Variants in LILRA4 observed in about 807,000 individuals in gnomAD.
LILRA4 encodes the protein leukocyte immunoglobulin-like receptor subfamily A member 4.
In LILRA4, 51 loss-of-function variants were observed where a neutral mutation model predicts 49.5. The ratio of observed to expected loss-of-function variants is 1.03; its 90% CI spans 0.82 to 1.30. The LOEUF is 1.30. Ranked by LOEUF, LILRA4 falls within the 50% of genes most tolerant of loss-of-function variation. The probability of loss-of-function intolerance (pLI) is 0.00; values close to 1 mark genes in which losing one functional copy is unlikely to be tolerated. For synonymous variants in LILRA4, 272 were observed against 265.6 expected, an observed-to-expected ratio of 1.02 and a Z score of -0.23; for missense variants, 624 against 625.6, an observed-to-expected ratio of 1.00 and a Z score of 0.03.
Position 54,336,908 on chromosome 19 carries a change from G to C in LILRA4, c.1188C>G (p.Tyr396Ter). ...GGTAGGGGTTGGAGCTGCGTGAGCC[G>C]TAGCACCTGTAGGTCCCCGCGTGGG... ...TSAHAGTYRC[Y>*]GSRSSNPYLL... The change falls in exon 6 of 8, where the codon TAC (tyrosine) becomes TAG (stop). Residue 396 changes from tyrosine (Y) to a stop codon, truncating the protein, a stop_gained. Transcript: ENST00000291759. LOFTEE classifies it high-confidence loss of function. 6.2e-7 allele frequency: 1 copy of C among 1,614,220 alleles called. No homozygotes were observed. The highest frequency in any genetic ancestry group is 1.6e-4 in the Middle Eastern group (1 of 6,062).
Position 54,333,355 on chromosome 19 carries a change from T to G in LILRA4, c.*217A>C, listed in dbSNP as rs16985578. On this transcript the variant is annotated 3_prime_UTR_variant, in exon 8 of 8. Transcript: ENST00000291759. ...CAGAGGGGCGGACCCAAACCCACCA[T>G]AGGGGTGAAGCCTTACATCATAGGG... 0.16 allele frequency: 97,218 copies of G among 591,908 alleles called. 9,344 individuals carry two copies. The highest frequency in any genetic ancestry group is 0.35 in the African/African-American group (18,764 of 53,590). 36.7% of individuals were successfully genotyped at this position (591,908 alleles called of 1,614,324 possible).
Position 54,337,644 on chromosome 19 carries a change from G to C in LILRA4, c.708C>G (p.Pro236=). ...CACACTGGAGGGTCAGATTCTCTCC[G>C]GGGGTCACGACAGGGCCCTGCAGGG... ...LLTLQGPVVT[P]GENLTLQCGS... Residue 236 remains proline (P), a synonymous_variant, in exon 5 of 8, where the codon CCC becomes CCG. Coordinates refer to ENST00000291759, the MANE Select transcript of LILRA4 (RefSeq NM_012276.5). 1.9e-6 allele frequency: 3 copies of C among 1,613,004 alleles called. No homozygotes were observed. Among genetic ancestry groups the C allele is most frequent in the Non-Finnish European group, 2.5e-6 (3 of 1,179,580 alleles).
rs756127255 is a variant in LILRA4 at position 54,338,416 on chromosome 19, G to A, written c.335C>T (p.Pro112Leu). ...SPAGWSEPSD[P>L]LELVVTAYSR... ...CTCACCTGTCACCACCAGCTCCAGG[G>A]GGTCGCTGGGCTCTGACCAGCCTGC... Residue 112 changes from proline to leucine, a missense_variant, in exon 3 of 8, where the codon CCC (proline) becomes CTC (leucine). Transcript: ENST00000291759. 1.2e-6 allele frequency: 2 copies of A among 1,614,076 alleles called. No homozygotes were observed. Among genetic ancestry groups the A allele is most frequent in the Non-Finnish European group, 1.7e-6 (2 of 1,180,014 alleles).
In LILRA4 at chr19:54,333,476, C is replaced by T. The variant is rs983145397; in HGVS notation, c.*96G>A. 3.3e-6 allele frequency: 4 copies of T among 1,205,594 alleles called. No individual in the cohort carries two copies. In the African/African-American group the frequency reaches 6.1e-5, roughly 18 times the overall value. 74.7% of individuals were successfully genotyped at this position (1,205,594 alleles called of 1,614,324 possible). ...GAAGCATCTTCTACAGACACCCAGA[C>T]ATCTTCCTGCACCTGACCCATGCTT... On this transcript the variant is annotated 3_prime_UTR_variant, in exon 8 of 8. Transcript: ENST00000291759.
intron 6 of LILRA4, 119 bp from the exon 7 acceptor site, chr19:54,334,084 A>G: frequency 1.2e-6 from 1 of 804,042 alleles, no homozygotes; most frequent in South Asian, 1.6e-5. Flanking sequence ...TAGTGAACAC[A>G]TTCTCTGCTC....
rs1469182777 is a variant in LILRA4 at position 54,337,135 on chromosome 19, A to G, written c.961T>C (p.Ser321Pro). 4 of 1,611,376 alleles carry G rather than the reference A, an allele frequency of 2.5e-6. No homozygotes were observed. The highest frequency in any genetic ancestry group is 2.5e-6 in the Non-Finnish European group (3 of 1,178,242). ...PLDILIAGQI[S>P]DRPSLSVQPG... ...TGCACTGAGAGGGAGGGTCTGTCAG[A>G]GATCTGTCCTGGAGAAAAGAAGGAC... Residue 321 changes from serine to proline, a missense_variant, in exon 6 of 8, where the codon TCT (serine) becomes CCT (proline). Transcript: ENST00000291759.
chr19:54,336,631 C>T, intron 6 of LILRA4: 1 of 791,674 alleles, frequency 1.3e-6, no homozygotes, highest in African/African-American at 1.7e-5. Flanking sequence ...TGGACCCTCC[C>T]CCTTCACTGT....
intron 1 of LILRA4, 21 bp downstream of exon 1, chr19:54,339,039 C>T (rs1569167873): frequency 1.2e-6 from 2 of 1,614,040 alleles, no homozygotes; most frequent in Non-Finnish European, 1.7e-6. Context: ...AGGGTCTCTC[C>T]TCCCCCTCTT....
Position 54,337,408 on chromosome 19 carries a change from A to T in LILRA4, c.944T>A (p.Leu315Gln). The T allele has an allele frequency of 6.2e-7, 1 of 1,611,384 alleles. No homozygotes were observed. Among genetic ancestry groups the T allele is most frequent in the African/African-American group, 1.3e-5 (1 of 74,928 alleles). The stretch of plus-strand genomic sequence containing the variant: ...CCCGCTGGGCTCCTCACCTGCGATC[A>T]GGATATCCAGGGGGTCACTGGGGGC... Reference protein sequence around the residue: ...WSAPSDPLDILIAGQISDRPS... With the variant: ...WSAPSDPLDIQIAGQISDRPS... Residue 315 changes from leucine to glutamine, a missense_variant, in exon 5 of 8, where the codon CTG becomes CAG. By Grantham distance (113) the Leu-to-Gln change is moderately radical. Transcript: ENST00000291759.
chr19:54,338,086 G>A lies in LILRA4; in HGVS notation c.505C>T (p.His169Tyr), dbSNP rs2081351904. 6.2e-7 allele frequency: 1 copy of A among 1,614,106 alleles called. No individual in the cohort carries two copies. The highest frequency in any genetic ancestry group is 8.5e-7 in the Non-Finnish European group (1 of 1,180,000). ...DHRLSWTLNS[H>Y]QHNHGKFQAL... ...TGGAACTTTCCATGGTTGTGTTGGT[G>A]TGAGTTCAGGGTCCAGGAGAGCCTG... Residue 169 changes from histidine to tyrosine, a missense_variant, in exon 4 of 8, where the codon CAC (histidine) becomes TAC (tyrosine). Transcript: ENST00000291759.
chr19:54,334,229 C>A (rs1456148470), intron 6 of LILRA4: 2 of 479,206 alleles, frequency 4.2e-6, no homozygotes, highest in East Asian at 3.4e-5. Context: ...AAGAATGATC[C>A]CCCAACTAGA....
rs1198141881 is a variant in LILRA4 at position 54,338,518 on chromosome 19, T to C, written c.233A>G (p.Glu78Gly). 6.2e-7 allele frequency: 1 copy of C among 1,614,186 alleles called. No individual in the cohort carries two copies. Among genetic ancestry groups the C allele is most frequent in the Admixed American group, 1.7e-5 (1 of 60,026 alleles). The change falls in exon 3 of 8, where the codon GAA (glutamate) becomes GGA (glycine). Residue 78 changes from glutamate (E) to glycine (G), a missense_variant. Coordinates refer to ENST00000291759, the MANE Select transcript of LILRA4 (RefSeq NM_012276.5). The stretch of plus-strand genomic sequence containing the variant: ...TGGGATGGAGAGTTTGACCTTGTTT[T>C]CAGACTCCAGTGTTTTTAATATGTG... ...SRHILKTLES[E>G]NKVKLSIPSM...
At chr19:54,336,017 G>T (rs1456214384) in intron 6 of LILRA4, 6 of 151,930 alleles carry the variant, frequency 3.9e-5, no homozygotes, top group Non-Finnish European at 8.8e-5. Context: ...TCTTCCCCTT[G>T]TCCATGTCAG....
rs775717371 is a variant in LILRA4 at position 54,333,558 on chromosome 19, A to G, written c.*14T>C. The G allele has an allele frequency of 5.0e-6, 8 of 1,612,320 alleles. No individual in the cohort carries two copies. Among genetic ancestry groups the G allele is most frequent in the Non-Finnish European group, 6.8e-6 (8 of 1,179,404 alleles). On this transcript the variant is annotated 3_prime_UTR_variant, in exon 8 of 8. Coordinates refer to ENST00000291759, the MANE Select transcript of LILRA4 (RefSeq NM_012276.5). The stretch of plus-strand genomic sequence containing the variant: ...CCAACTGCTGCCCCAGTCTTCCAGA[A>G]CCTCCTCAGATCATCAGATCTGTTC...
chr19:54,338,782 G>A, intron 2 of LILRA4, 84 bp downstream of exon 2: 2 of 1,599,532 alleles, frequency 1.3e-6, no homozygotes, highest in South Asian at 2.2e-5. Flanking sequence ...GCCCAGAACT[G>A]CTGTCTTCAC....
chr19:54,338,754 C>T (rs1195620698), intron 2 of LILRA4, 74 bp from the exon 3 acceptor site: 1 of 1,589,252 alleles, frequency 6.3e-7, no homozygotes, highest in Non-Finnish European at 8.6e-7. Flanking sequence ...CCAGGACCCC[C>T]CTCATCCCCA....
In LILRA4 at chr19:54,333,737, C is replaced by A; in HGVS notation, c.1335G>T (p.Glu445Asp). 6.2e-7 allele frequency: 1 copy of A among 1,614,112 alleles called. No individual in the cohort carries two copies. The highest frequency in any genetic ancestry group is 8.5e-7 in the Non-Finnish European group (1 of 1,180,014). ...CAGCCACACCCATGCGGATGAGATTCTCCACTGTGTAATCCTGGAGGTGTG... is the reference window on the plus strand; with the variant it reads ...CAGCCACACCCATGCGGATGAGATTATCCACTGTGTAATCCTGGAGGTGTG... ...TAPHLQDYTV[E>D]NLIRMGVAGL... Residue 445 changes from glutamate (E) to aspartate (D), a missense_variant, in exon 8 of 8, where the codon GAG (glutamate) becomes GAT (aspartate). By Grantham distance (45) the Glu-to-Asp change is conservative. Coordinates refer to ENST00000291759, the MANE Select transcript of LILRA4 (RefSeq NM_012276.5).
chr19:54,337,920 G>A lies in LILRA4; in HGVS notation c.655+16C>T. On this transcript the variant is annotated intron_variant, in intron 4 of 7. Transcript: ENST00000291759. ...GTGCCCTGACTTTGTATAAGGAAAA[G>A]CTACGGCTTCCTCACCTGACACCAG... 6.3e-7 allele frequency: 1 copy of A among 1,596,596 alleles called. No individual in the cohort carries two copies. Among genetic ancestry groups the A allele is most frequent in the Non-Finnish European group, 8.5e-7 (1 of 1,171,182 alleles).
rs141838994 is a variant in LILRA4, at chr19:54,337,098, G to T, written c.998C>A (p.Thr333Lys). The change falls in exon 6 of 8, where the codon ACG becomes AAG. Residue 333 changes from threonine (T) to lysine (K), a missense_variant. By Grantham distance (78) the Thr-to-Lys change is moderately conservative. Coordinates refer to ENST00000291759, the MANE Select transcript of LILRA4 (RefSeq NM_012276.5). The stretch of plus-strand genomic sequence containing the variant: ...GGTCACCTTCTCTCCTGAGGTCACC[G>T]TGGGGCCCGGCTGCACTGAGAGGGA... ...RPSLSVQPGPTVTSGEKVTLL... is the reference protein window; with the variant it reads ...RPSLSVQPGPKVTSGEKVTLL... The T allele has an allele frequency of 6.2e-7, 1 of 1,613,934 alleles. No individual in the cohort carries two copies.
Sources: gnomAD v4.1 joint callset for allele counts on GRCh38, gnomAD v4.1.1 for gene constraint, MANE v1.5 for transcripts, NCBI Gene and HGNC (gene_info 2026-07-23, HGNC 2026-07-21) for gene names.